The following CENPE variants were observed in gnomAD, a reference collection of about 807,000 sequenced individuals.
The protein encoded by CENPE is centromere-associated protein E.
Under a neutral mutation model 336.1 loss-of-function variants are expected in CENPE, and 145 were observed. The observed-to-expected ratio is 0.43, with a 90% CI of 0.38 to 0.50. The LOEUF is 0.50. CENPE is among the 20% of genes least tolerant of loss of function. The pLI, the probability that CENPE is intolerant of heterozygous loss-of-function variation, is 0.00. For synonymous variants in CENPE, 1,013 were observed against 984.8 expected, an observed-to-expected ratio of 1.03 and a Z score of -0.54; for missense variants, 2,719 against 3,023.3, an observed-to-expected ratio of 0.90 and a Z score of 2.36.
chr4:103,151,071 A>ACCTCAT, intron 26 of CENPE, 148 bp downstream of exon 26: 2 of 668,198 alleles, frequency 3.0e-6, no homozygotes, highest in Non-Finnish European at 5.0e-6. Flanking sequence ...ATCTCAGTGT[A>ACCTCAT]AGTTAAAATT....
At chr4:103,176,393 C>T (rs1172057582) in intron 14 of CENPE, among the ~76,000 whole-genome samples, 1 of 152,120 alleles carries the variant, frequency 6.6e-6, no homozygotes, top group East Asian at 1.9e-4. Flanking sequence ...GAAACAGATT[C>T]CTATGTCAAT....
At chr4:103,189,490 C>T (rs1042783527) in intron 8 of CENPE, among the ~76,000 whole-genome samples, 1 of 152,096 alleles carries the variant, frequency 6.6e-6, no homozygotes, top group Non-Finnish European at 1.5e-5. Flanking sequence ...GTTTAACATA[C>T]AAAAATCAAT....
intron 16 of CENPE, among the ~76,000 whole-genome samples, chr4:103,173,111 A>G (rs1755549602): frequency 6.6e-6 from 1 of 152,060 alleles, no homozygotes; most frequent in African/African-American, 2.4e-5. Context: ...TCCAAAATAT[A>G]TTACAAAACT....
At chr4:103,188,185 C>T (rs893184095) in intron 8 of CENPE, among the ~76,000 whole-genome samples, 1 of 152,228 alleles carries the variant, frequency 6.6e-6, no homozygotes, top group African/African-American at 2.4e-5. Flanking sequence ...GACTCCCACA[C>T]AATAATAATG....
chr4:103,195,514 G>A (rs1190598910), intron 4 of CENPE, among the ~76,000 whole-genome samples: 2 of 152,016 alleles, frequency 1.3e-5, no homozygotes, highest in African/African-American at 4.8e-5. Context: ...TAATAAAAAT[G>A]CTAATTTGAA....
chr4:103,108,356 A>T (rs1013473332), intron 48 of CENPE, among the ~76,000 whole-genome samples: 1 of 152,100 alleles, frequency 6.6e-6, no homozygotes, highest in Non-Finnish European at 1.5e-5. Flanking sequence ...CCAGGATCTA[A>T]TCCTTAACAC....
intron 42 of CENPE, among the ~76,000 whole-genome samples, chr4:103,125,361 G>C (rs1750998190): frequency 6.6e-6 from 1 of 152,128 alleles, no homozygotes; most frequent in African/African-American, 2.4e-5. Context: ...AAACAGAGAA[G>C]GGATTACTTC....
chr4:103,167,192 T>C (rs1388516242), intron 16 of CENPE, among the ~76,000 whole-genome samples: 1 of 152,186 alleles, frequency 6.6e-6, no homozygotes, highest in Non-Finnish European at 1.5e-5. Context: ...GTAGCATCCA[T>C]ATATAAAATA....
chr4:103,159,927 TAAAG>T (rs1301790303), intron 21 of CENPE, among the ~76,000 whole-genome samples: 1 of 151,548 alleles, frequency 6.6e-6, no homozygotes, highest in East Asian at 1.9e-4. Flanking sequence ...AAAGAAGAGA[TAAAG>T]GAGGGACAAA....
chr4:103,176,280 T>A (rs902761420), intron 14 of CENPE, among the ~76,000 whole-genome samples: 1 of 152,160 alleles, frequency 6.6e-6, no homozygotes, highest in Admixed American at 6.5e-5. Flanking sequence ...GGATCCTTAA[T>A]GAAATATAGG....
intron 17 of CENPE, 89 bp downstream of exon 17, chr4:103,163,390 C>T (rs1754624236): frequency 7.9e-7 from 1 of 1,259,122 alleles, no homozygotes; most frequent in Non-Finnish European, 1.1e-6. Context: ...ACATAATTCC[C>T]TTATTTCTGA....
At chr4:103,116,731 G>A (rs527394926) in intron 44 of CENPE, 42 bp from the exon 45 acceptor site, 18 of 1,033,828 alleles carry the variant, frequency 1.7e-5, no homozygotes, top group South Asian at 6.2e-5. Flanking sequence ...TATTAGAGGC[G>A]CTTCAGTTTC....
chr4:103,139,133 TTTCTCCCACTTATCTTGTTCACTAC>T (rs1752322746), intron 38 of CENPE, among the ~76,000 whole-genome samples: 1 of 112,312 alleles, frequency 8.9e-6, no homozygotes, highest in Non-Finnish European at 2.2e-5. Flanking sequence ...ACAAAAACAT[TTTCTCCCACTTATCTTGTTCACTAC>T]AGTACCTAGA....
chr4:103,173,667 A>G (rs1281938217), intron 16 of CENPE, among the ~76,000 whole-genome samples: 2 of 151,558 alleles, frequency 1.3e-5, no homozygotes, highest in African/African-American at 4.9e-5. Flanking sequence ...AATATATAAG[A>G]AACTAAAACA....
At chr4:103,131,795 A>C (rs1289893167) in intron 42 of CENPE, among the ~76,000 whole-genome samples, 1 of 152,186 alleles carries the variant, frequency 6.6e-6, no homozygotes, top group East Asian at 1.9e-4. Flanking sequence ...GAAACCATGA[A>C]AAGACATGGA....
rs1553923391 is a variant in CENPE, at chr4:103,114,535, G to C, written c.7460C>G (p.Ala2487Gly). The change falls in exon 46 of 49, where the codon GCC becomes GGC. Residue 2487 changes from alanine (A) to glycine (G), a missense_variant. Physicochemically the swap from Ala to Gly is moderately conservative, Grantham distance 60. This residue lies in a region of CENPE where 2,437 missense variants were observed against 2,513.3 expected (regional missense o/e 0.97). Transcript: ENST00000265148. ...AACTTCCTTTTGATATTCTACAGTGGCTTTTGTAGCACTGATTCTAACAAA... is the reference window on the plus strand; with the variant it reads ...AACTTCCTTTTGATATTCTACAGTGCCTTTTGTAGCACTGATTCTAACAAA... ...EFEKEISATKATVEYQKEVIR... is the reference protein window; with the variant it reads ...EFEKEISATKGTVEYQKEVIR... 3 of 1,605,976 alleles carry C rather than the reference G, an allele frequency of 1.9e-6. No homozygotes were observed. Among genetic ancestry groups the C allele is most frequent in the Non-Finnish European group, 2.6e-6 (3 of 1,174,986 alleles).
Position 103,109,042 on chromosome 4 carries a change from G to T in CENPE, c.7772C>A (p.Thr2591Asn), listed in dbSNP as rs372141994. The stretch of plus-strand genomic sequence containing the variant: ...TTGTTTGTGAGCCTCTCTTTTAAGG[G>T]TTCTTTCCTTCCAAGTTTTGACCTC... The part of the protein sequence containing the change: ...SNEVKTWKER[T>N]LKREAHKQVT... The change falls in exon 48 of 49, where the codon ACC becomes AAC. Residue 2591 changes from threonine to asparagine, a missense_variant. Thr to Asn is a moderately conservative substitution (Grantham distance 65, BLOSUM62 0). Around this residue, in one of 5 missense-constraint regions of CENPE, gnomAD observed 2,437 missense variants for 2,513.3 expected, o/e 0.97. Transcript: ENST00000265148. 3 of 1,613,106 alleles carry T rather than the reference G, an allele frequency of 1.9e-6. No individual in the cohort carries two copies. The highest frequency in any genetic ancestry group is 2.7e-5 in the African/African-American group (2 of 74,788).
At chr4:103,110,373 A>T (rs1360309269) in intron 47 of CENPE, among the ~76,000 whole-genome samples, 1 of 152,020 alleles carries the variant, frequency 6.6e-6, no homozygotes, top group African/African-American at 2.4e-5. Flanking sequence ...TTATTTGTAA[A>T]ATTATTTAAC....
At chr4:103,161,282 A>AATT (rs1754419318) in intron 19 of CENPE, 31 bp from the exon 20 acceptor site, 3 of 1,606,364 alleles carry the variant, frequency 1.9e-6, no homozygotes, top group Non-Finnish European at 2.5e-6. Context: ...AATGCACAAA[A>AATT]ATACACTGAT....
Sources: allele counts gnomAD v4.1 joint callset (sites outside exome capture counted in the v4.1 genomes callset), GRCh38; gene constraint gnomAD v4.1.1; regional missense constraint gnomAD v4.1.1; transcripts MANE v1.5; gene names NCBI Gene and HGNC (gene_info 2026-07-23, HGNC 2026-07-21).